The following HEMK2 variants were observed in gnomAD, a reference collection of about 807,000 sequenced individuals.
HEMK2 encodes the protein methyltransferase HEMK2.
the HEMK2 span, among the ~76,000 whole-genome samples, chr21:28,821,194 C>T: frequency 6.6e-6 from 1 of 152,120 alleles, no homozygotes; most frequent in African/African-American, 2.4e-5. Context: ...CACCCGACCC[C>T]GGCCCCCTCC....
At chr21:28,771,603 C>G in the HEMK2 span, among the ~76,000 whole-genome samples, 87,683 of 150,754 alleles carry the variant, frequency 0.58, 29,243 homozygotes, top group African/African-American at 0.89. Flanking sequence ...GGTTTAGTTG[C>G]CATATTTTCC....
At chr21:28,633,307 T>C in the HEMK2 span, among the ~76,000 whole-genome samples, 2 of 152,176 alleles carry the variant, frequency 1.3e-5, no homozygotes, top group Non-Finnish European at 2.9e-5. Context: ...TCTCTCCCCA[T>C]GAGCCAGGAT....
At chr21:28,638,345 G>A in the HEMK2 span, among the ~76,000 whole-genome samples, 1 of 152,228 alleles carries the variant, frequency 6.6e-6, no homozygotes, top group South Asian at 2.1e-4. Context: ...GAAGAGCAAA[G>A]GAACTGGAAG....
the HEMK2 span, among the ~76,000 whole-genome samples, chr21:28,819,210 G>A: frequency 4.7e-5 from 7 of 150,412 alleles, no homozygotes; most frequent in African/African-American, 1.5e-4. Context: ...TACCCATGAC[G>A]TAAGGATACA....
chr21:28,829,208 G>T, the HEMK2 span, among the ~76,000 whole-genome samples: 3 of 152,210 alleles, frequency 2.0e-5, no homozygotes, highest in Admixed American at 2.0e-4. Flanking sequence ...TAATTACACA[G>T]TAAGCACTTA....
At chr21:28,682,724 A>G in the HEMK2 span, among the ~76,000 whole-genome samples, 2 of 152,272 alleles carry the variant, frequency 1.3e-5, no homozygotes, top group Admixed American at 1.3e-4. Flanking sequence ...ATGCAGCCAT[A>G]AAAAATGATG....
At chr21:28,681,725 A>G in the HEMK2 span, among the ~76,000 whole-genome samples, 1 of 151,660 alleles carries the variant, frequency 6.6e-6, no homozygotes. Context: ...GGAACAGAAC[A>G]GAGCCCTCAG....
chr21:28,748,421 G>A, the HEMK2 span, among the ~76,000 whole-genome samples: 22 of 152,170 alleles, frequency 1.4e-4, no homozygotes, highest in African/African-American at 4.3e-4. Flanking sequence ...GTATCATACT[G>A]CTTTTAAATA....
At chr21:28,827,569 A>G in the HEMK2 span, among the ~76,000 whole-genome samples, 1 of 152,202 alleles carries the variant, frequency 6.6e-6, no homozygotes, top group Non-Finnish European at 1.5e-5. Context: ...TCTCCACTTT[A>G]GAAATCAAGG....
chr21:28,830,353 C>T, the HEMK2 span, among the ~76,000 whole-genome samples: 2 of 152,140 alleles, frequency 1.3e-5, no homozygotes, highest in East Asian at 3.9e-4. Context: ...CACTTCCCCC[C>T]CTTCACTCTC....
the HEMK2 span, among the ~76,000 whole-genome samples, chr21:28,660,104 T>G: frequency 1.7e-4 from 26 of 152,122 alleles, no homozygotes; most frequent in African/African-American, 6.3e-4. Context: ...CTTTTAATCT[T>G]TCATTTGTTT....
At chr21:28,836,094 C>G in the HEMK2 span, among the ~76,000 whole-genome samples, 2 of 152,276 alleles carry the variant, frequency 1.3e-5, no homozygotes. Flanking sequence ...CTTCCTCAGC[C>G]TTGCTAGAGA....
the HEMK2 span, among the ~76,000 whole-genome samples, chr21:28,710,439 T>C: frequency 6.6e-6 from 1 of 152,204 alleles, no homozygotes; most frequent in Non-Finnish European, 1.5e-5. Flanking sequence ...TATTCGTGAT[T>C]TTAAAAAATG....
the HEMK2 span, among the ~76,000 whole-genome samples, chr21:28,809,309 T>C: frequency 3.3e-5 from 5 of 152,178 alleles, no homozygotes; most frequent in Non-Finnish European, 7.4e-5. Flanking sequence ...AATCATATTG[T>C]TATGTATCAG....
At chr21:28,610,762 G>T in the HEMK2 span, among the ~76,000 whole-genome samples, 94 of 152,210 alleles carry the variant, frequency 6.2e-4, no homozygotes, top group Middle Eastern at 3.4e-3. Context: ...TGTATCAGGC[G>T]AAACAAACTT....
the HEMK2 span, among the ~76,000 whole-genome samples, chr21:28,646,592 C>T: frequency 6.6e-6 from 1 of 152,162 alleles, no homozygotes; most frequent in African/African-American, 2.4e-5. Context: ...TATCAATTGA[C>T]AATGTTCAGT....
chr21:28,782,873 T>C, the HEMK2 span, among the ~76,000 whole-genome samples: 1 of 152,180 alleles, frequency 6.6e-6, no homozygotes, highest in Non-Finnish European at 1.5e-5. Context: ...AGTGGTTATA[T>C]CTCAATAAAA....
the HEMK2 span, among the ~76,000 whole-genome samples, chr21:28,709,756 A>C: frequency 6.6e-6 from 1 of 152,166 alleles, no homozygotes; most frequent in African/African-American, 2.4e-5. Flanking sequence ...AAAGCACAGG[A>C]AACTAGAGGG....
the HEMK2 span, among the ~76,000 whole-genome samples, chr21:28,819,504 C>T: frequency 1.0e-4 from 15 of 149,574 alleles, no homozygotes; most frequent in Non-Finnish European, 3.0e-5. Flanking sequence ...GAGGATTTAC[C>T]AAAGAGTTCT....
Sources: allele counts gnomAD v4.1 joint callset (sites outside exome capture counted in the v4.1 genomes callset), GRCh38; gene constraint gnomAD v4.1.1; transcripts MANE v1.5; gene names NCBI Gene and HGNC (gene_info 2026-07-23, HGNC 2026-07-21).